The following RPF2 variants were observed in gnomAD, a reference collection of about 807,000 sequenced individuals.
The protein encoded by RPF2 is brix domain containing 1.
In RPF2, 21 loss-of-function variants were observed where a neutral mutation model predicts 38.9. The observed-to-expected ratio is 0.54, with a 90% CI of 0.38 to 0.78. The LOEUF (loss-of-function observed/expected upper bound fraction) is 0.78. Ranked by LOEUF, RPF2 falls within the 30% of genes least tolerant of loss-of-function variation. The pLI is 0.00. For synonymous variants in RPF2, 121 were observed against 126.2 expected, an observed-to-expected ratio of 0.96 and a Z score of 0.28; for missense variants, 314 against 358.1, an observed-to-expected ratio of 0.88 and a Z score of 0.99.
intron 3 of RPF2, among the ~76,000 whole-genome samples, chr6:110,990,188 T>C (rs1240401844): frequency 6.6e-6 from 1 of 152,084 alleles, no homozygotes; most frequent in Non-Finnish European, 1.5e-5. Flanking sequence ...CCTGCCCACC[T>C]CGGCCTCCCA....
At position 111,025,669 on chromosome 6, in the gene RPF2, C is replaced by T. The variant is rs1772316242; in HGVS notation, c.*87C>T. On this transcript the variant is annotated 3_prime_UTR_variant, in exon 10 of 10. Transcript: ENST00000441448. ...ATCCATTCAGAGTTTCTTATAAGAT[C>T]TTATTATATATTTTTATAACATGAT... 4 of 911,186 alleles carry T rather than the reference C, an allele frequency of 4.4e-6. No homozygotes were observed. The highest frequency in any genetic ancestry group is 5.4e-5 in the East Asian group (2 of 37,066). 56.4% of individuals were successfully genotyped at this position (911,186 alleles called of 1,614,324 possible).
At chr6:110,983,663 C>G (rs1771469695) in intron 1 of RPF2, among the ~76,000 whole-genome samples, 1 of 152,088 alleles carries the variant, frequency 6.6e-6, no homozygotes, top group African/African-American at 2.4e-5. Context: ...TAAAAATTGG[C>G]CTGTTTACTT....
rs936353861 is a variant in RPF2, at chr6:111,027,504, T to G, written c.*1922T>G. ...CCTTCCCCAAAGCCTCGCTCATCAC[T>G]GGTAGGAGGCAAAGCAGTGGGTCCT... On this transcript the variant is annotated 3_prime_UTR_variant, in exon 10 of 10. Transcript: ENST00000441448. 1 of 152,202 alleles carries G rather than the reference T, an allele frequency of 6.6e-6. No homozygotes were observed. The allele number at this position is 152,202 out of a possible 1,614,324, so 9.4% of individuals were successfully genotyped here. A position where few individuals can be genotyped will look rare whatever the true frequency, so the allele number is the denominator to read the frequency against.
chr6:110,992,456 T>C (rs1001504938), intron 4 of RPF2, among the ~76,000 whole-genome samples: 1 of 151,918 alleles, frequency 6.6e-6, no homozygotes, highest in African/African-American at 2.4e-5. Context: ...TTTTTTTTTT[T>C]TTTTGAAGCT....
chr6:110,993,502 G>A (rs1187212402), intron 4 of RPF2, among the ~76,000 whole-genome samples: 1 of 152,096 alleles, frequency 6.6e-6, no homozygotes, highest in Non-Finnish European at 1.5e-5. Flanking sequence ...GATCATGAAA[G>A]TAAAAATATA....
chr6:110,992,183 G>A (rs957689125), intron 4 of RPF2, among the ~76,000 whole-genome samples: 3 of 152,038 alleles, frequency 2.0e-5, no homozygotes, highest in African/African-American at 7.2e-5. Context: ...GATGGCACAT[G>A]CCTGTAATCC....
intron 1 of RPF2, 190 bp downstream of exon 1, chr6:110,982,319 T>A (rs1771446460): frequency 3.2e-6 from 2 of 634,228 alleles, no homozygotes; most frequent in African/African-American, 1.8e-5. Flanking sequence ...AGCTCTCAAG[T>A]GGGAGCCGTG....
At chr6:111,012,070 CTTTT>C (rs35304628) in intron 7 of RPF2, among the ~76,000 whole-genome samples, 6 of 133,422 alleles carry the variant, frequency 4.5e-5, no homozygotes, top group African/African-American at 1.6e-4. Context: ...TAGGAAGTTC[CTTTT>C]TTTTTTTTTT....
At chr6:110,995,259 C>T (rs1771692074) in intron 4 of RPF2, among the ~76,000 whole-genome samples, 1 of 152,158 alleles carries the variant, frequency 6.6e-6, no homozygotes, top group Non-Finnish European at 1.5e-5. Flanking sequence ...CAACTTTGTA[C>T]AAGGTGTGTT....
In RPF2 at chr6:111,008,035, TAG is replaced by T; in HGVS notation, c.394-1_394del. On this transcript the variant is annotated splice_acceptor_variant, in intron 6 of 9. Transcript: ENST00000441448. LOFTEE classifies it high-confidence loss of function. ...TATAATTGCTTTTTTTTTTTTTTTT[TAG>T]AACAGTAAATGTCCTGAGGGAACAA... is the stretch of plus-strand genomic sequence containing the variant. 1 of 1,553,076 alleles carries T rather than the reference TAG, an allele frequency of 6.4e-7. No homozygotes were observed. Among genetic ancestry groups the T allele is most frequent in the African/African-American group, 1.4e-5 (1 of 71,248 alleles).
chr6:110,998,237 C>A (rs1771752314), intron 5 of RPF2, among the ~76,000 whole-genome samples: 1 of 151,936 alleles, frequency 6.6e-6, no homozygotes, highest in Non-Finnish European at 1.5e-5. Flanking sequence ...GATGAGCTGT[C>A]TGCCTGTGCA....
chr6:110,983,070 T>G (rs1446189249), intron 1 of RPF2, among the ~76,000 whole-genome samples: 1 of 152,206 alleles, frequency 6.6e-6, no homozygotes, highest in Non-Finnish European at 1.5e-5. Context: ...CTTAAGTGTA[T>G]GTATGGTCTC....
intron 3 of RPF2, among the ~76,000 whole-genome samples, chr6:110,989,666 G>T (rs59389062): frequency 0.12 from 15,662 of 134,410 alleles, 947 homozygotes; most frequent in Middle Eastern, 0.19. Flanking sequence ...TAGCTTTGTT[G>T]CCAGGCTGGA....
intron 8 of RPF2, among the ~76,000 whole-genome samples, chr6:111,016,681 T>TTTA (rs1554250315): frequency 1.1e-5 from 1 of 90,548 alleles, no homozygotes; most frequent in South Asian, 4.4e-4. Context: ...TTTTTTTTTT[T>TTTA]TCTTTCTTTT....
Position 110,997,060 on chromosome 6 carries a change from C to G in RPF2, c.235-123C>G, listed in dbSNP as rs904193668. Reference sequence around the variant, plus strand: ...CAAGTAATCAACTCGCCTCGGCGTCCCAAGTGCTGGGATTACAGGTGTGAG... The same window carrying G: ...CAAGTAATCAACTCGCCTCGGCGTCGCAAGTGCTGGGATTACAGGTGTGAG... On this transcript the variant is annotated intron_variant, in intron 4 of 9. Coordinates refer to ENST00000441448, the MANE Select transcript of RPF2 (RefSeq NM_032194.3). 1.1e-5 allele frequency: 7 copies of G among 657,616 alleles called. No individual in the cohort carries two copies. In the African/African-American group the frequency reaches 1.3e-4, roughly 12 times the overall value. The allele number at this position is 657,616 out of a possible 1,614,324, so 40.7% of individuals were successfully genotyped here.
At chr6:111,017,362 G>A (rs1473375627) in intron 8 of RPF2, among the ~76,000 whole-genome samples, 3 of 148,064 alleles carry the variant, frequency 2.0e-5, no homozygotes, top group African/African-American at 5.0e-5. Flanking sequence ...GCTGCCCCCC[G>A]CCTCCCTCCT....
At position 110,991,729 on chromosome 6, in the gene RPF2, C is replaced by A; in HGVS notation, c.195-18C>A. The stretch of plus-strand genomic sequence containing the variant: ...CTTATTTAGATTATTAAAATTGTCA[C>A]TTTTTTGATATTCTTAGGAAAAATA... On this transcript the variant is annotated intron_variant, in intron 3 of 9. Transcript: ENST00000441448. The A allele has an allele frequency of 9.7e-7, 1 of 1,029,752 alleles. No homozygotes were observed. The highest frequency in any genetic ancestry group is 1.4e-6 in the Non-Finnish European group (1 of 709,310). The allele number at this position is 1,029,752 out of a possible 1,614,324, so 63.8% of individuals were successfully genotyped here. A position where few individuals can be genotyped will look rare whatever the true frequency, so the allele number is the denominator to read the frequency against.
Position 111,015,805 on chromosome 6 carries a change from A to G in RPF2, c.545A>G (p.Tyr182Cys), listed in dbSNP as rs1157867612. 6.2e-7 allele frequency: 1 copy of G among 1,613,356 alleles called. No homozygotes were observed. The highest frequency in any genetic ancestry group is 8.5e-7 in the Non-Finnish European group (1 of 1,179,462). ...AATATCCGCCTGGCTGGATTAGAGT[A>G]TGTTCTGCACTTCACTGCACTGAAT... ...VSNIRLAGLE[Y>C]VLHFTALNGK... Residue 182 changes from tyrosine (Y) to cysteine (C), a missense_variant, in exon 8 of 10, where the codon TAT becomes TGT. Physicochemically the swap from Tyr to Cys is radical, Grantham distance 194. Transcript: ENST00000441448.
rs1772351247 is a variant in RPF2 at position 111,027,363 on chromosome 6, A to T, written c.*1781A>T. 1 of 152,202 alleles carries T rather than the reference A, an allele frequency of 6.6e-6. No individual in the cohort carries two copies. The highest frequency in any genetic ancestry group is 1.5e-5 in the Non-Finnish European group (1 of 68,036). The allele number at this position is 152,202 out of a possible 1,614,324, so 9.4% of individuals were successfully genotyped here. A position where few individuals can be genotyped will look rare whatever the true frequency, so the allele number is the denominator to read the frequency against. The stretch of plus-strand genomic sequence containing the variant: ...TACCTGAATCAGACATTTGCACTTT[A>T]TATCTAAATGAGAAGAAGGGGCTCA... On this transcript the variant is annotated 3_prime_UTR_variant, in exon 10 of 10. Transcript: ENST00000441448.
Sources: allele counts gnomAD v4.1 joint callset (sites outside exome capture counted in the v4.1 genomes callset), GRCh38; gene constraint gnomAD v4.1.1; transcripts MANE v1.5; gene names NCBI Gene and HGNC (gene_info 2026-07-23, HGNC 2026-07-21).